Variants in B3GALT1 observed in about 807,000 individuals in gnomAD.
The protein encoded by B3GALT1 is UDP-Gal:betaGlcNAc beta 1,3-galactosyltransferase, polypeptide 1.
B3GALT1 carries 10 observed loss-of-function variants against 23.2 expected under a neutral mutation model. The observed-to-expected ratio is 0.43, with a 90% CI of 0.27 to 0.73. The LOEUF (loss-of-function observed/expected upper bound fraction) is 0.73. B3GALT1 is among the 30% of genes least tolerant of loss of function. The probability of loss-of-function intolerance (pLI) is 0.21; values close to 1 mark genes in which losing one functional copy is unlikely to be tolerated. For synonymous variants in B3GALT1, 156 were observed against 141.5 expected, an observed-to-expected ratio of 1.10 and a Z score of -0.73; for missense variants, 299 against 405.4, an observed-to-expected ratio of 0.74 and a Z score of 2.25.
At chr2:167,685,340 A>G (rs1686601200) in intron 3 of B3GALT1, among the ~76,000 whole-genome samples, 1 of 152,136 alleles carries the variant, frequency 6.6e-6, no homozygotes, top group Non-Finnish European at 1.5e-5. Context: ...TGATCCCCCA[A>G]CCTCAGCCTC....
intron 3 of B3GALT1, among the ~76,000 whole-genome samples, chr2:167,792,636 T>C (rs1463378001): frequency 6.6e-6 from 1 of 152,130 alleles, no homozygotes; most frequent in Non-Finnish European, 1.5e-5. Context: ...GTAAATATCA[T>C]GAAAATAGTT....
chr2:167,479,762 C>T (rs545357425), intron 1 of B3GALT1, among the ~76,000 whole-genome samples: 28 of 152,000 alleles, frequency 1.8e-4, no homozygotes, highest in African/African-American at 6.3e-4. Context: ...TCACCGAGAC[C>T]GTGGTATTGT....
At chr2:167,368,750 A>C (rs1223773290) in intron 1 of B3GALT1, among the ~76,000 whole-genome samples, 1 of 152,184 alleles carries the variant, frequency 6.6e-6, no homozygotes, top group South Asian at 2.1e-4. Context: ...TGTATGTTCA[A>C]ATGTTATCCT....
chr2:167,489,406 T>C (rs1699671291), intron 1 of B3GALT1, among the ~76,000 whole-genome samples: 1 of 152,186 alleles, frequency 6.6e-6, no homozygotes, highest in Non-Finnish European at 1.5e-5. Flanking sequence ...TTGGGTTGAA[T>C]TGCAACAAGG....
intron 2 of B3GALT1, among the ~76,000 whole-genome samples, chr2:167,514,410 A>G (rs1472110985): frequency 6.6e-6 from 1 of 152,174 alleles, no homozygotes. Flanking sequence ...TGATTGTCAG[A>G]CAGCTGTAAT....
chr2:167,603,988 C>T (rs1200338050), intron 2 of B3GALT1, among the ~76,000 whole-genome samples: 2 of 150,984 alleles, frequency 1.3e-5, no homozygotes, highest in Admixed American at 1.3e-4. Flanking sequence ...ATTAAAACAA[C>T]TCAATGAGAA....
At chr2:167,776,843 C>G (rs541671986) in intron 3 of B3GALT1, among the ~76,000 whole-genome samples, 1 of 151,962 alleles carries the variant, frequency 6.6e-6, no homozygotes, top group East Asian at 1.9e-4. Flanking sequence ...AGTTGTACAC[C>G]TTGAGTTTGG....
intron 3 of B3GALT1, among the ~76,000 whole-genome samples, chr2:167,713,421 C>T (rs1365674823): frequency 1.3e-5 from 2 of 152,070 alleles, no homozygotes; most frequent in Non-Finnish European, 2.9e-5. Flanking sequence ...TTAATTGCAC[C>T]ATCCTAACAA....
chr2:167,397,768 A>C (rs1321386660), intron 1 of B3GALT1, among the ~76,000 whole-genome samples: 4 of 152,200 alleles, frequency 2.6e-5, no homozygotes, highest in African/African-American at 9.6e-5. Context: ...CTGTGAGTAG[A>C]TCGGGCTAAC....
intron 3 of B3GALT1, among the ~76,000 whole-genome samples, chr2:167,677,762 A>G (rs1484787814): frequency 6.6e-6 from 1 of 152,138 alleles, no homozygotes; most frequent in Admixed American, 6.5e-5. Context: ...TCGGTAATTT[A>G]TAAAGGAAAG....
intron 2 of B3GALT1, among the ~76,000 whole-genome samples, chr2:167,617,496 A>G (rs1057420293): frequency 6.6e-6 from 1 of 152,046 alleles, no homozygotes; most frequent in Admixed American, 6.6e-5. Flanking sequence ...CCTATACAGA[A>G]TTAGGGTTCT....
chr2:167,621,090 T>TTTC (rs1491097811), intron 2 of B3GALT1, among the ~76,000 whole-genome samples: 3 of 4,546 alleles, frequency 6.6e-4, no homozygotes, highest in African/African-American at 3.3e-3. Flanking sequence ...TTTTCAGTTC[T>TTTC]TTTTTTTTTT....
intron 3 of B3GALT1, among the ~76,000 whole-genome samples, chr2:167,753,715 C>CT (rs1316539130): frequency 2.6e-5 from 4 of 152,194 alleles, no homozygotes; most frequent in Non-Finnish European, 5.9e-5. Context: ...CCAATGATTT[C>CT]TCATGTTACT....
At chr2:167,489,982 A>G (rs1699683803) in intron 1 of B3GALT1, among the ~76,000 whole-genome samples, 195 bp from the exon 2 acceptor site, 1 of 152,180 alleles carries the variant, frequency 6.6e-6, no homozygotes, top group Non-Finnish European at 1.5e-5. Flanking sequence ...GGAGATTATA[A>G]TGATATAAAG....
chr2:167,626,604 A>T (rs1000763473), intron 2 of B3GALT1, among the ~76,000 whole-genome samples: 16 of 151,612 alleles, frequency 1.1e-4, no homozygotes, highest in Non-Finnish European at 1.9e-4. Context: ...AAAAAAAACC[A>T]AAACAGGGAA....
At chr2:167,365,585 T>C (rs866055334) in intron 1 of B3GALT1, among the ~76,000 whole-genome samples, 2 of 140,394 alleles carry the variant, frequency 1.4e-5, no homozygotes, top group South Asian at 2.3e-4. Context: ...GAGATACAAA[T>C]ACACACACAC....
In B3GALT1 at chr2:167,352,174, G is replaced by A. The variant is rs549832320; in HGVS notation, c.-511+58840G>A. Among the ~76,000 whole-genome samples, 17 of 141,348 alleles carry A rather than the reference G, an allele frequency of 1.2e-4. 1 individual carries two copies. The South Asian group carries it at 1.4e-3, about 11-fold the overall frequency. 92.7% of individuals were successfully genotyped at this position (141,348 alleles called of 152,430 possible). On this transcript the variant is annotated intron_variant, in intron 1 of 4. Coordinates refer to ENST00000392690, the MANE Select transcript of B3GALT1 (RefSeq NM_020981.4). ...CGTAGAGAAGGGGTTTCCCCATGTT[G>A]GCCAGGATGGTCTTGATCTCCTGAC...
chr2:167,668,824 AC>A (rs1686265746), intron 3 of B3GALT1, among the ~76,000 whole-genome samples: 1 of 152,140 alleles, frequency 6.6e-6, no homozygotes, highest in Non-Finnish European at 1.5e-5. Context: ...CGGTGCGTGC[AC>A]CCACTGACCT....
At chr2:167,770,568 T>C (rs1198362190) in intron 3 of B3GALT1, among the ~76,000 whole-genome samples, 2 of 152,226 alleles carry the variant, frequency 1.3e-5, no homozygotes, top group African/African-American at 2.4e-5. Context: ...AGTGTATGGC[T>C]GGTCTTTTCA....
Sources: allele counts gnomAD v4.1 joint callset (sites outside exome capture counted in the v4.1 genomes callset), GRCh38; gene constraint gnomAD v4.1.1; transcripts MANE v1.5; gene names NCBI Gene and HGNC (gene_info 2026-07-23, HGNC 2026-07-21).